Variants in EBF3 observed in about 807,000 individuals in gnomAD.
EBF3 encodes the protein EBF transcription factor 3, also known as transcription factor COE3.
In EBF3, 18 loss-of-function variants were observed where a neutral mutation model predicts 77.1. That is an observed-to-expected ratio of 0.23 (90% CI 0.16 to 0.35). The LOEUF (loss-of-function observed/expected upper bound fraction) is 0.35. Ranked by LOEUF, EBF3 falls within the 10% of genes least tolerant of loss-of-function variation. The pLI, the probability that EBF3 is intolerant of heterozygous loss-of-function variation, is 1.00. For synonymous variants in EBF3, 350 were observed against 343.5 expected (o/e 1.02, Z -0.21); for missense variants, 558 against 860.0 (o/e 0.65, Z 4.39).
intron 6 of EBF3, among the ~76,000 whole-genome samples, chr10:129,934,520 C>G (rs1302313049): frequency 6.6e-6 from 1 of 152,210 alleles, no homozygotes; most frequent in East Asian, 1.9e-4. Flanking sequence ...CCTGCTTCCT[C>G]ATCTCAGGGC....
chr10:129,963,094 G>C lies in EBF3; in HGVS notation c.292-89C>G, dbSNP rs1248778080. The C allele has an allele frequency of 6.7e-7, 1 of 1,497,388 alleles. No individual in the cohort carries two copies. The highest frequency in any genetic ancestry group is 1.7e-5 in the Admixed American group (1 of 59,666). 92.8% of individuals were successfully genotyped at this position (1,497,388 alleles called of 1,614,324 possible). ...GTCCCCCTCCGCGACCGAGGCTCTC[G>C]GCCTCACACATGGCAGGATTCCTAG... On this transcript the variant is annotated intron_variant, in intron 2 of 16. Transcript: ENST00000440978. This position sits in a 1 kb window ranked among gnomAD's most constrained non-coding sequence, Gnocchi z 7.1.
intron 10 of EBF3, among the ~76,000 whole-genome samples, chr10:129,862,022 G>A (rs1851674242): frequency 6.6e-6 from 1 of 152,144 alleles, no homozygotes; most frequent in South Asian, 2.1e-4. Context: ...TTCACAAGGG[G>A]AGTGAAGTGG....
At chr10:129,857,373 C>T (rs919610045) in intron 10 of EBF3, among the ~76,000 whole-genome samples, 2 of 152,100 alleles carry the variant, frequency 1.3e-5, no homozygotes, top group Admixed American at 6.5e-5. Context: ...GCCACGGCAG[C>T]CCCCAACCCA....
At chr10:129,918,630 C>T (rs1158092665) in intron 6 of EBF3, among the ~76,000 whole-genome samples, 1 of 152,202 alleles carries the variant, frequency 6.6e-6, no homozygotes, top group Non-Finnish European at 1.5e-5. Flanking sequence ...ATGATCAGGG[C>T]CCTGCCCTAC....
intron 8 of EBF3, among the ~76,000 whole-genome samples, chr10:129,871,494 C>T (rs1454325759): frequency 6.6e-6 from 1 of 152,232 alleles, no homozygotes; most frequent in East Asian, 1.9e-4. Flanking sequence ...AGAGGCTGCA[C>T]GCAAGCACAG....
intron 6 of EBF3, among the ~76,000 whole-genome samples, chr10:129,922,643 C>T (rs546688809): frequency 6.6e-6 from 1 of 152,258 alleles, no homozygotes; most frequent in Non-Finnish European, 1.5e-5. Context: ...CTGTGGTCTG[C>T]GTACCTACAG....
At chr10:129,941,985 G>A (rs1857779845) in intron 6 of EBF3, among the ~76,000 whole-genome samples, 1 of 152,140 alleles carries the variant, frequency 6.6e-6, no homozygotes, top group African/African-American at 2.4e-5. Flanking sequence ...GCAGTTCCTT[G>A]GGAATGGAGC....
rs145230239 is a variant in EBF3, at chr10:129,836,572, A to G, written c.*1371T>C. ...TAACTTAAAAATAATATAAAAATAA[A>G]CAATGAATTTGACTTTTCCTCAAAA... On this transcript the variant is annotated 3_prime_UTR_variant, in exon 17 of 17. Transcript: ENST00000440978. 4 of 149,410 alleles carry G rather than the reference A, an allele frequency of 2.7e-5. No homozygotes were observed. The highest frequency in any genetic ancestry group is 2.0e-4 in the East Asian group (1 of 4,992). The allele number at this position is 149,410 out of a possible 1,614,324, so 9.3% of individuals were successfully genotyped here. A position where few individuals can be genotyped will look rare whatever the true frequency, so the allele number is the denominator to read the frequency against.
intron 8 of EBF3, among the ~76,000 whole-genome samples, chr10:129,871,386 G>A (rs1453283686): frequency 1.3e-5 from 2 of 152,228 alleles, no homozygotes; most frequent in African/African-American, 4.8e-5. Flanking sequence ...GACATCCACA[G>A]CAGCAGCAGG....
At chr10:129,868,717 C>T (rs967992745) in intron 8 of EBF3, among the ~76,000 whole-genome samples, 38 of 152,228 alleles carry the variant, frequency 2.5e-4, no homozygotes, top group African/African-American at 7.5e-4. Flanking sequence ...ACGGTGCCCT[C>T]GGCAGCCTTG....
Position 129,841,045 on chromosome 10 carries a change from C to CCCCG in EBF3, c.1373-14_1373-13insCGGG, listed in dbSNP as rs1554892401. Reference sequence around the variant, plus strand: ...CGACTGTAGCCGACTGTTGAAATCCCCCCCCCGGCCAAAAATAACATTATT... The same window carrying CCCCG: ...CGACTGTAGCCGACTGTTGAAATCCCCCCGCCCCCCGGCCAAAAATAACATTATT... On this transcript the variant is annotated splice_polypyrimidine_tract_variant and intron_variant, in intron 13 of 16. Transcript: ENST00000440978. The surrounding 1 kb of genome is among the most constrained non-coding windows in gnomAD (Gnocchi z 4.6). 43 of 1,600,364 alleles carry CCCCG rather than the reference C, an allele frequency of 2.7e-5. 2 individuals carry two copies. The highest frequency in any genetic ancestry group is 6.7e-5 in the Admixed American group (4 of 59,436).
At chr10:129,876,846 A>C (rs1852802876) in intron 7 of EBF3, among the ~76,000 whole-genome samples, 1 of 145,440 alleles carries the variant, frequency 6.9e-6, no homozygotes. Context: ...ATATGAATCT[A>C]TCATAATGGT....
intron 6 of EBF3, among the ~76,000 whole-genome samples, chr10:129,878,723 G>A (rs930309751): frequency 6.8e-6 from 1 of 147,834 alleles, no homozygotes; most frequent in African/African-American, 2.5e-5. Flanking sequence ...CAATTGGGGG[G>A]TGGGGCAGGA....
chr10:129,929,096 C>T (rs79583668), intron 6 of EBF3, among the ~76,000 whole-genome samples: 6,228 of 152,118 alleles, frequency 0.041, 396 homozygotes, highest in African/African-American at 0.14. Context: ...TGATAGGACT[C>T]GATGTAGCAT....
Position 129,841,050 on chromosome 10 carries a change from C to CCCCG in EBF3, c.1373-19_1373-18insCGGG. ...GTAGCCGACTGTTGAAATCCCCCCC[C>CCCCG]CGGCCAAAAATAACATTATTATCAG... On this transcript the variant is annotated intron_variant, in intron 13 of 16. Transcript: ENST00000440978. The surrounding 1 kb of genome is among the most constrained non-coding windows in gnomAD (Gnocchi z 4.6). The CCCCG allele has an allele frequency of 6.2e-7, 1 of 1,604,438 alleles. No homozygotes were observed. Among genetic ancestry groups the CCCCG allele is most frequent in the South Asian group, 1.1e-5 (1 of 89,868 alleles).
Position 129,963,108 on chromosome 10 carries a change from C to T in EBF3, c.292-103G>A. ...CCGAGGCTCTCGGCCTCACACATGGCAGGATTCCTAGCTCGAAGCAGCGCG... is the reference window on the plus strand; with the variant it reads ...CCGAGGCTCTCGGCCTCACACATGGTAGGATTCCTAGCTCGAAGCAGCGCG... On this transcript the variant is annotated intron_variant, in intron 2 of 16. Coordinates refer to ENST00000440978, the MANE Select transcript of EBF3 (RefSeq NM_001375380.1). The surrounding 1 kb of genome is among the most constrained non-coding windows in gnomAD (Gnocchi z 7.1). The T allele has an allele frequency of 2.8e-6, 4 of 1,437,672 alleles. No individual in the cohort carries two copies. Among genetic ancestry groups the T allele is most frequent in the Non-Finnish European group, 3.9e-6 (4 of 1,022,304 alleles). 89.1% of individuals were successfully genotyped at this position (1,437,672 alleles called of 1,614,324 possible).
chr10:129,963,933 C>T lies in EBF3; in HGVS notation c.-165G>A. On this transcript the variant is annotated 5_prime_UTR_variant, in exon 1 of 17. Transcript: ENST00000440978. This position sits in a 1 kb window ranked among gnomAD's most constrained non-coding sequence, Gnocchi z 7.1. ...GCCCGTCCCGGGCAGGCGCGACATA[C>T]ACCAGCGGCCGGGCGCTCCGGACGG... 1.9e-6 allele frequency: 2 copies of T among 1,068,454 alleles called. No homozygotes were observed. The highest frequency in any genetic ancestry group is 6.7e-5 in the East Asian group (1 of 15,022). 66.2% of individuals were successfully genotyped at this position (1,068,454 alleles called of 1,614,324 possible). A position where few individuals can be genotyped will look rare whatever the true frequency, so the allele number is the denominator to read the frequency against.
chr10:129,963,331 G>C lies in EBF3; in HGVS notation c.291+36C>G, dbSNP rs766975393. ...CGGCACCGCCTGCCTCCCGCTTCTA[G>C]AAAGAGAGAGGGTGTGATCGTGTGT... On this transcript the variant is annotated intron_variant, in intron 2 of 16. Coordinates refer to ENST00000440978, the MANE Select transcript of EBF3 (RefSeq NM_001375380.1). The surrounding 1 kb of genome is among the most constrained non-coding windows in gnomAD (Gnocchi z 7.1). 25 of 1,556,068 alleles carry C rather than the reference G, an allele frequency of 1.6e-5. No individual in the cohort carries two copies. The highest frequency in any genetic ancestry group is 2.2e-5 in the Non-Finnish European group (25 of 1,153,560).
Position 129,943,253 on chromosome 10 carries a change from T to C in EBF3, c.554+14005A>G, listed in dbSNP as rs7093897. On this transcript the variant is annotated intron_variant, in intron 6 of 16. Transcript: ENST00000440978. The surrounding 1 kb of genome is among the most constrained non-coding windows in gnomAD (Gnocchi z 8.8). ...ATTTCAGCGGCTCTCCACAAACAAA[T>C]AAACAGCAAATACTTACAGGAGACA... Among the ~76,000 whole-genome samples, 4,107 of 152,202 alleles carry C rather than the reference T, an allele frequency of 0.027. 169 individuals carry two copies. The highest frequency in any genetic ancestry group is 0.092 in the African/African-American group (3,810 of 41,528).
Sources: gnomAD v4.1 joint callset for allele counts (sites outside exome capture counted in the v4.1 genomes callset) on GRCh38, gnomAD v4.1.1 for gene constraint, Gnocchi (gnomAD v3.1) non-coding constraint, MANE v1.5 for transcripts, NCBI Gene and HGNC (gene_info 2026-07-23, HGNC 2026-07-21) for gene names.